Variants in METTL15 observed in about 807,000 individuals in gnomAD.
METTL15 encodes methyltransferase 15, mitochondrial 12S rRNA N4-cytidine, also known as 12S rRNA N(4)-cytidine methyltransferase METTL15.
METTL15 carries 34 observed loss-of-function variants against 38.3 expected under a neutral mutation model. The observed-to-expected ratio is 0.89, with a 90% CI of 0.68 to 1.18. The LOEUF is 1.18. Among genes scored for constraint, METTL15 ranks in the 50% most tolerant of loss-of-function variants. The probability of loss-of-function intolerance (pLI) is 0.00; values close to 1 mark genes in which losing one functional copy is unlikely to be tolerated. For missense variants in METTL15, 438 were observed against 498.4 expected (o/e 0.88, Z 1.15); for synonymous variants, 162 against 170.9 (o/e 0.95, Z 0.41).
At chr11:28,217,777 G>A (rs936533725) in intron 4 of METTL15, among the ~76,000 whole-genome samples, 2 of 152,110 alleles carry the variant, frequency 1.3e-5, no homozygotes, top group African/African-American at 2.4e-5. Flanking sequence ...TTCTACATAT[G>A]GCTAGCCAGT....
downstream of METTL15, among the ~76,000 whole-genome samples, chr11:28,338,183 A>G (rs574442207): frequency 2.6e-5 from 4 of 151,544 alleles, no homozygotes; most frequent in Non-Finnish European, 2.9e-5. Context: ...GCCTGCAAAC[A>G]TCTTCAAAAG....
chr11:28,392,117 A>G (rs1850515689), intron 5 of METTL15, among the ~76,000 whole-genome samples: 1 of 152,194 alleles, frequency 6.6e-6, no homozygotes, highest in Non-Finnish European at 1.5e-5. Context: ...CAAATTTACA[A>G]GAAAAAACAA....
intron 4 of METTL15, among the ~76,000 whole-genome samples, chr11:28,268,196 CAAAA>C (rs71050954): frequency 9.3e-5 from 6 of 64,174 alleles, no homozygotes; most frequent in Non-Finnish European, 1.5e-4. Context: ...GACTCCGTCT[CAAAA>C]AAAAAAAAAA....
At chr11:28,307,470 G>C (rs189892329) in intron 6 of METTL15, among the ~76,000 whole-genome samples, 1 of 151,912 alleles carries the variant, frequency 6.6e-6, no homozygotes, top group Non-Finnish European at 1.5e-5. Flanking sequence ...TAGTAAAGAA[G>C]GCCTTTTAAT....
intron 6 of METTL15, among the ~76,000 whole-genome samples, chr11:28,498,065 AG>A (rs760778428): frequency 7.4e-6 from 1 of 136,032 alleles, no homozygotes; most frequent in African/African-American, 2.7e-5. Flanking sequence ...AAAAAAAAAA[AG>A]GAGGGGTGGA....
Position 28,384,731 on chromosome 11 carries a change from A to G in METTL15, c.*358+22695A>G, listed in dbSNP as rs1850423130. On this transcript the variant is annotated intron_variant and NMD_transcript_variant, in intron 5 of 7. Coordinates refer to the METTL15 transcript ENST00000532947. Reference sequence around the variant, plus strand: ...AGGAGTTGCCACACTGATTTCCACAATGTTTGAACTAATTTACACTCCCAC... The same window carrying G: ...AGGAGTTGCCACACTGATTTCCACAGTGTTTGAACTAATTTACACTCCCAC... Among the ~76,000 whole-genome samples, 4 of 152,204 alleles carry G rather than the reference A, an allele frequency of 2.6e-5. No homozygotes were observed. The South Asian group carries it at 8.3e-4, about 32-fold the overall frequency.
chr11:28,397,849 T>A (rs931451132), intron 5 of METTL15, among the ~76,000 whole-genome samples: 25 of 152,166 alleles, frequency 1.6e-4, no homozygotes, highest in Non-Finnish European at 3.1e-4. Flanking sequence ...CAGATGTCCA[T>A]CAATGATAGA....
At chr11:28,233,255 T>A (rs1471900277) in intron 4 of METTL15, among the ~76,000 whole-genome samples, 2 of 152,050 alleles carry the variant, frequency 1.3e-5, no homozygotes, top group African/African-American at 4.8e-5. Flanking sequence ...ATAACATAGA[T>A]AATAATTAAA....
At chr11:28,480,881 G>A (rs969071322) in intron 6 of METTL15, among the ~76,000 whole-genome samples, 1 of 152,156 alleles carries the variant, frequency 6.6e-6, no homozygotes, top group Non-Finnish European at 1.5e-5. Flanking sequence ...CTCCCCTGCT[G>A]CATAGATCTT....
intron 6 of METTL15, among the ~76,000 whole-genome samples, chr11:28,514,297 T>C (rs1851701371): frequency 6.6e-6 from 1 of 152,212 alleles, no homozygotes; most frequent in South Asian, 2.1e-4. Context: ...TTATCTATGA[T>C]TGGAGAAAGG....
At chr11:28,380,661 T>C (rs1288408170) in intron 5 of METTL15, among the ~76,000 whole-genome samples, 1 of 152,158 alleles carries the variant, frequency 6.6e-6, no homozygotes, top group East Asian at 1.9e-4. Flanking sequence ...TTTTGCATTG[T>C]AATTGTGATC....
At chr11:28,262,823 T>C (rs770541400) in intron 4 of METTL15, among the ~76,000 whole-genome samples, 3 of 152,134 alleles carry the variant, frequency 2.0e-5, no homozygotes, top group African/African-American at 4.8e-5. Flanking sequence ...TGGCTTTTCA[T>C]TGGTCGTAGA....
chr11:28,441,167 C>A (rs1031847903), intron 6 of METTL15, among the ~76,000 whole-genome samples: 7 of 150,952 alleles, frequency 4.6e-5, no homozygotes, highest in African/African-American at 1.7e-4. Flanking sequence ...TTTCTGCAAC[C>A]TTTGCCTCTT....
At chr11:28,112,865 C>T (rs1036297036) in intron 2 of METTL15, among the ~76,000 whole-genome samples, 1 of 152,080 alleles carries the variant, frequency 6.6e-6, no homozygotes, top group African/African-American at 2.4e-5. Context: ...AAAACAAATA[C>T]AAGAGCTTGA....
intron 3 of METTL15, among the ~76,000 whole-genome samples, chr11:28,350,386 TAAAC>T (rs563335800): frequency 2.6e-3 from 389 of 152,282 alleles, no homozygotes; most frequent in Non-Finnish European, 4.0e-3. Flanking sequence ...GGTTTTTAAA[TAAAC>T]AAAATTAGTT....
intron 3 of METTL15, among the ~76,000 whole-genome samples, chr11:28,345,595 T>C (rs1849989424): frequency 6.6e-6 from 1 of 152,228 alleles, no homozygotes; most frequent in African/African-American, 2.4e-5. Context: ...ACACATGGAA[T>C]AAGATGGAAT....
At chr11:28,163,698 C>CT (rs907767786) in intron 3 of METTL15, 47 of 363,862 alleles carry the variant, frequency 1.3e-4, no homozygotes, top group African/African-American at 1.7e-4. Flanking sequence ...ACTTAATATA[C>CT]TTTTTTTTAA....
At chr11:28,291,193 T>C (rs962063684) in intron 5 of METTL15, among the ~76,000 whole-genome samples, 4 of 151,770 alleles carry the variant, frequency 2.6e-5, no homozygotes, top group African/African-American at 9.7e-5. Context: ...ATTGCAGACG[T>C]GTACCAGCAT....
At chr11:28,152,510 T>G (rs899634457) in intron 3 of METTL15, among the ~76,000 whole-genome samples, 2 of 152,136 alleles carry the variant, frequency 1.3e-5, no homozygotes, top group African/African-American at 4.8e-5. Flanking sequence ...GGAAAAAATG[T>G]TAGGAAACGT....
Sources: gnomAD v4.1 joint callset for allele counts (sites outside exome capture counted in the v4.1 genomes callset) on GRCh38, gnomAD v4.1.1 for gene constraint, MANE v1.5 for transcripts, NCBI Gene and HGNC (gene_info 2026-07-23, HGNC 2026-07-21) for gene names.